PDZRN3: variants seen among roughly 807,000 people sequenced by gnomAD.
The protein encoded by PDZRN3 is PDZ domain containing ring finger 3.
A neutral mutation model predicts 85.7 loss-of-function variants in PDZRN3; 38 were observed. That is an observed-to-expected ratio of 0.44 (90% confidence interval 0.34 to 0.58). PDZRN3 has a LOEUF of 0.58. Among genes scored for constraint, PDZRN3 ranks in the 20% least tolerant of loss-of-function variants. PDZRN3 has a pLI of 0.01. For synonymous variants in PDZRN3, 759 were observed against 638.0 expected (o/e 1.19, Z -2.86); for missense variants, 1,629 against 1,506.4 (o/e 1.08, Z -1.35).
chr3:73,447,946 C>T (rs1200250950), intron 3 of PDZRN3, among the ~76,000 whole-genome samples: 1 of 152,190 alleles, frequency 6.6e-6, no homozygotes, highest in Non-Finnish European at 1.5e-5. Flanking sequence ...TTGCATTCTA[C>T]ATAAATATAG....
chr3:73,504,075 A>C (rs943735177), intron 3 of PDZRN3, among the ~76,000 whole-genome samples: 10 of 152,176 alleles, frequency 6.6e-5, no homozygotes, highest in African/African-American at 2.2e-4. Flanking sequence ...CCTTCTTTAT[A>C]AACAGAAATT....
intron 3 of PDZRN3, among the ~76,000 whole-genome samples, chr3:73,500,911 T>C (rs926192938): frequency 6.6e-6 from 1 of 152,188 alleles, no homozygotes; most frequent in Non-Finnish European, 1.5e-5. Flanking sequence ...TGTTGAGCTA[T>C]ATCATTTCTT....
chr3:73,565,462 C>G (rs1701926192), intron 3 of PDZRN3, among the ~76,000 whole-genome samples: 1 of 152,066 alleles, frequency 6.6e-6, no homozygotes, highest in African/African-American at 2.4e-5. Flanking sequence ...GTGAACAAGT[C>G]ACTTAATCTC....
At chr3:73,457,897 C>G (rs1703019767) in intron 3 of PDZRN3, among the ~76,000 whole-genome samples, 1 of 152,150 alleles carries the variant, frequency 6.6e-6, no homozygotes, top group African/African-American at 2.4e-5. Context: ...ATGGAATTCC[C>G]AGCCTCCAGA....
At chr3:73,554,383 C>CT (rs2106813398) in intron 3 of PDZRN3, among the ~76,000 whole-genome samples, 1 of 151,244 alleles carries the variant, frequency 6.6e-6, no homozygotes, top group East Asian at 2.0e-4. Context: ...CACACACACA[C>CT]ACTCCCAAGA....
chr3:73,438,950 T>C (rs1702581905), intron 3 of PDZRN3, among the ~76,000 whole-genome samples: 1 of 152,212 alleles, frequency 6.6e-6, no homozygotes, highest in Non-Finnish European at 1.5e-5. Context: ...CGTCTACACA[T>C]AGGCCATGAC....
intron 3 of PDZRN3, among the ~76,000 whole-genome samples, chr3:73,486,811 T>C (rs1386193562): frequency 6.6e-6 from 1 of 152,198 alleles, no homozygotes; most frequent in Non-Finnish European, 1.5e-5. Flanking sequence ...AACGTTATCA[T>C]CGGACATATC....
intron 3 of PDZRN3, among the ~76,000 whole-genome samples, chr3:73,597,756 A>C (rs1480771460): frequency 6.6e-6 from 1 of 152,028 alleles, no homozygotes; most frequent in Non-Finnish European, 1.5e-5. Flanking sequence ...AAAAAAAAAA[A>C]AAGATGAAGA....
chr3:73,564,311 CTTT>C (rs1053752858), intron 3 of PDZRN3, among the ~76,000 whole-genome samples: 2 of 152,312 alleles, frequency 1.3e-5, no homozygotes, highest in African/African-American at 4.8e-5. Flanking sequence ...CCCTACCCTT[CTTT>C]GTGTCCTAGT....
chr3:73,573,616 T>TCTTTACAG (rs1702074663), intron 3 of PDZRN3, among the ~76,000 whole-genome samples: 1 of 152,166 alleles, frequency 6.6e-6, no homozygotes, highest in African/African-American at 2.4e-5. Context: ...ACCATCTGGC[T>TCTTTACAG]CTTTACAGGA....
chr3:73,440,353 A>G (rs1702611449), intron 3 of PDZRN3, among the ~76,000 whole-genome samples: 1 of 152,208 alleles, frequency 6.6e-6, no homozygotes, highest in South Asian at 2.1e-4. Flanking sequence ...AGTCTCTGAA[A>G]GTCATGCAAC....
intron 3 of PDZRN3, among the ~76,000 whole-genome samples, chr3:73,539,704 T>C (rs1287117015): frequency 6.6e-6 from 1 of 152,044 alleles, no homozygotes; most frequent in African/African-American, 2.4e-5. Context: ...AGAAAATTCT[T>C]ATGAGAAACA....
chr3:73,474,398 C>A, intron 3 of PDZRN3: 1 of 1,024,234 alleles, frequency 9.8e-7, no homozygotes, highest in Non-Finnish European at 1.3e-6. Flanking sequence ...TGAGCAAATA[C>A]AATCACATCT....
intron 3 of PDZRN3, among the ~76,000 whole-genome samples, chr3:73,512,259 A>C (rs1704179709): frequency 6.6e-6 from 1 of 152,204 alleles, no homozygotes; most frequent in South Asian, 2.1e-4. Flanking sequence ...CCAAATTCAG[A>C]CAGGAAACAC....
At chr3:73,539,985 T>C (rs1704876927) in intron 3 of PDZRN3, among the ~76,000 whole-genome samples, 1 of 150,712 alleles carries the variant, frequency 6.6e-6, no homozygotes, top group Non-Finnish European at 1.5e-5. Flanking sequence ...TGAAGATTCA[T>C]GGCTCAGGAT....
chr3:73,477,288 G>T (rs1436282838), intron 3 of PDZRN3, among the ~76,000 whole-genome samples: 2 of 152,096 alleles, frequency 1.3e-5, no homozygotes, highest in Non-Finnish European at 2.9e-5. Context: ...TCAGCAAGAG[G>T]AAGTATCTTG....
chr3:73,622,441 G>C (rs747467159), intron 1 of PDZRN3, among the ~76,000 whole-genome samples: 2 of 152,200 alleles, frequency 1.3e-5, no homozygotes, highest in African/African-American at 4.8e-5. Flanking sequence ...CAACCAGAGC[G>C]GTGGCAGCAG....
At chr3:73,597,318 C>A (rs1393293804) in intron 3 of PDZRN3, among the ~76,000 whole-genome samples, 1 of 151,988 alleles carries the variant, frequency 6.6e-6, no homozygotes, top group Admixed American at 6.6e-5. Flanking sequence ...CCAACTAAAC[C>A]AAAAATAAAC....
intron 3 of PDZRN3, among the ~76,000 whole-genome samples, chr3:73,547,890 T>G (rs948475159): frequency 6.6e-6 from 1 of 152,156 alleles, no homozygotes; most frequent in African/African-American, 2.4e-5. Context: ...GGGGGAGGGT[T>G]AAAAGTCTTA....
Sources: allele counts gnomAD v4.1 joint callset (sites outside exome capture counted in the v4.1 genomes callset), GRCh38; gene constraint gnomAD v4.1.1; transcripts MANE v1.5; gene names NCBI Gene and HGNC (gene_info 2026-07-23, HGNC 2026-07-21).